NELL2: variants seen among roughly 807,000 people sequenced by gnomAD.
NELL2 encodes protein kinase C-binding protein NELL2.
NELL2 carries 41 observed loss-of-function variants against 109.6 expected under a neutral mutation model. That is an observed-to-expected ratio of 0.37 (90% CI 0.29 to 0.49). The LOEUF (loss-of-function observed/expected upper bound fraction) is 0.49. Ranked by LOEUF, NELL2 falls within the 20% of genes least tolerant of loss-of-function variation. The probability of loss-of-function intolerance (pLI) is 0.98; values close to 1 mark genes in which losing one functional copy is unlikely to be tolerated. For missense variants in NELL2, 900 were observed against 1,008.3 expected (o/e 0.89, Z 1.45); for synonymous variants, 355 against 344.7 (o/e 1.03, Z -0.33).
At chr12:44,808,707 G>C (rs1309425269) in intron 3 of NELL2, among the ~76,000 whole-genome samples, 3 of 151,924 alleles carry the variant, frequency 2.0e-5, no homozygotes. Context: ...ATTAAGCCAA[G>C]CAAATATTGC....
Position 44,537,517 on chromosome 12 carries a change from C to A in NELL2, c.1664-4796G>T, listed in dbSNP as rs1942348071. ...GTCACATAGAGTACTCTTTTTCATA[C>A]TATTTATCATTAATAAAAATATGAC... On this transcript the variant is annotated intron_variant, in intron 15 of 19. Transcript: ENST00000429094. Among the ~76,000 whole-genome samples the A allele has an allele frequency of 2.0e-5, 3 of 152,042 alleles. No individual in the cohort carries two copies. The South Asian group carries it at 6.2e-4, about 32-fold the overall frequency.
intron 13 of NELL2, among the ~76,000 whole-genome samples, chr12:44,655,002 G>A (rs7308333): frequency 0.19 from 29,507 of 152,090 alleles, 3,102 homozygotes; most frequent in African/African-American, 0.28. Context: ...CCTCTCCTCT[G>A]CAGGTGTCTG....
intron 2 of NELL2, among the ~76,000 whole-genome samples, chr12:44,818,941 A>C (rs990216143): frequency 1.3e-5 from 2 of 150,954 alleles, no homozygotes; most frequent in African/African-American, 4.9e-5. Flanking sequence ...ACGGGGTTTC[A>C]CCTTGTTAGC....
intron 9 of NELL2, among the ~76,000 whole-genome samples, chr12:44,727,877 C>T (rs1183548030): frequency 6.6e-6 from 1 of 151,998 alleles, no homozygotes; most frequent in Non-Finnish European, 1.5e-5. Context: ...TACATTACCC[C>T]CAAATGCCTC....
chr12:44,916,111 G>T (rs563611051), upstream of NELL2, among the ~76,000 whole-genome samples: 2 of 152,262 alleles, frequency 1.3e-5, no homozygotes, highest in African/African-American at 4.8e-5. Flanking sequence ...GTATCAAAAA[G>T]CCTACATAAT....
intron 1 of NELL2, among the ~76,000 whole-genome samples, chr12:44,897,112 T>C (rs1011815604): frequency 6.6e-6 from 1 of 152,178 alleles, no homozygotes; most frequent in South Asian, 2.1e-4. Flanking sequence ...GAAGCTGTGA[T>C]TCTCTCAAAT....
intron 13 of NELL2, among the ~76,000 whole-genome samples, chr12:44,639,029 A>C (rs931801763): frequency 5.3e-5 from 8 of 152,290 alleles, no homozygotes; most frequent in Non-Finnish European, 1.0e-4. Context: ...GAGATATTTT[A>C]AATCTTTTTT....
At position 44,644,582 on chromosome 12, in the gene NELL2, A is replaced by G. The variant is rs1361367272; in HGVS notation, c.1444+20902T>C. On this transcript the variant is annotated intron_variant, in intron 13 of 19. Coordinates refer to ENST00000429094, the MANE Select transcript of NELL2 (RefSeq NM_001145108.2). ...CATCCTATACCAGACAAAGTAAAGTATATATATATATATATATATATGTAT... is the reference window on the plus strand; with the variant it reads ...CATCCTATACCAGACAAAGTAAAGTGTATATATATATATATATATATGTAT... Among the ~76,000 whole-genome samples the G allele has an allele frequency of 2.8e-4, 19 of 68,412 alleles. 1 individual carries two copies. Among genetic ancestry groups the G allele is most frequent in the African/African-American group, 2.6e-4 (3 of 11,564 alleles). 44.9% of individuals were successfully genotyped at this position (68,412 alleles called of 152,430 possible).
At chr12:44,557,513 G>A (rs1943302079) in intron 15 of NELL2, among the ~76,000 whole-genome samples, 2 of 152,118 alleles carry the variant, frequency 1.3e-5, no homozygotes, top group Admixed American at 1.3e-4. Flanking sequence ...CAATGCAGAG[G>A]TACTGAAGAG....
intron 9 of NELL2, among the ~76,000 whole-genome samples, chr12:44,767,376 G>A (rs1941377549): frequency 6.6e-6 from 1 of 152,162 alleles, no homozygotes; most frequent in Non-Finnish European, 1.5e-5. Flanking sequence ...GAGACGTGCT[G>A]TTTTCAGGCT....
intron 15 of NELL2, among the ~76,000 whole-genome samples, chr12:44,601,436 G>C (rs7969493): frequency 0.035 from 5,382 of 152,138 alleles, 316 homozygotes; most frequent in African/African-American, 0.12. Flanking sequence ...CAAAAATAAA[G>C]CAATTTTAAG....
intron 15 of NELL2, among the ~76,000 whole-genome samples, chr12:44,598,546 G>A (rs1287914542): frequency 6.6e-6 from 1 of 152,082 alleles, no homozygotes; most frequent in Non-Finnish European, 1.5e-5. Flanking sequence ...GTCATTCACT[G>A]AGCATCAGTG....
At chr12:44,768,979 TTA>T (rs1488613750) in intron 9 of NELL2, among the ~76,000 whole-genome samples, 1 of 146,854 alleles carries the variant, frequency 6.8e-6, no homozygotes, top group African/African-American at 2.4e-5. Context: ...CCTACATAAA[TTA>T]TGTTTTCCCC....
chr12:44,714,449 T>G (rs1364652357), intron 10 of NELL2, among the ~76,000 whole-genome samples: 1 of 152,032 alleles, frequency 6.6e-6, no homozygotes, highest in Non-Finnish European at 1.5e-5. Flanking sequence ...CATTTTCATT[T>G]CTTGGAAAAA....
At chr12:44,783,501 G>A (rs116897661) in intron 3 of NELL2, among the ~76,000 whole-genome samples, 5,090 of 151,868 alleles carry the variant, frequency 0.034, 132 homozygotes, top group South Asian at 0.095. Flanking sequence ...TCAATATTAA[G>A]AGATAAACAG....
At chr12:44,661,945 C>A (rs1191551827) in intron 13 of NELL2, among the ~76,000 whole-genome samples, 1 of 152,078 alleles carries the variant, frequency 6.6e-6, no homozygotes, top group Admixed American at 6.6e-5. Context: ...CTCCCTCCCT[C>A]CTGCTCCTCT....
chr12:44,784,278 C>G (rs1942077259), intron 3 of NELL2, among the ~76,000 whole-genome samples: 1 of 151,752 alleles, frequency 6.6e-6, no homozygotes, highest in South Asian at 2.1e-4. Flanking sequence ...TCCCACCATT[C>G]TTATTCAACA....
chr12:44,836,015 T>C (rs1944043136), intron 2 of NELL2, among the ~76,000 whole-genome samples: 1 of 152,002 alleles, frequency 6.6e-6, no homozygotes, highest in Non-Finnish European at 1.5e-5. Context: ...ATAAGGTATG[T>C]GGGAGAAAGG....
intron 1 of NELL2, among the ~76,000 whole-genome samples, chr12:44,882,495 T>C (rs1350942634): frequency 6.6e-6 from 1 of 151,244 alleles, no homozygotes; most frequent in Non-Finnish European, 1.5e-5. Context: ...CACACACATA[T>C]ACACACACAC....
Sources: gnomAD v4.1 joint callset for allele counts (sites outside exome capture counted in the v4.1 genomes callset) on GRCh38, gnomAD v4.1.1 for gene constraint, MANE v1.5 for transcripts, NCBI Gene and HGNC (gene_info 2026-07-23, HGNC 2026-07-21) for gene names.